Variants in COL8A1 observed in about 807,000 individuals in gnomAD.
The protein encoded by COL8A1 is collagen alpha-1(VIII) chain.
A neutral mutation model predicts 42.7 loss-of-function variants in COL8A1; 21 were observed. The observed-to-expected ratio is 0.49, with a 90% CI of 0.35 to 0.71. COL8A1 has a LOEUF of 0.71. Ranked by LOEUF, COL8A1 falls within the 30% of genes least tolerant of loss-of-function variation. The pLI is 0.01. For synonymous variants in COL8A1, 367 were observed against 369.1 expected, an observed-to-expected ratio of 0.99 and a Z score of 0.06; for missense variants, 788 against 962.4, an observed-to-expected ratio of 0.82 and a Z score of 2.40.
intron 1 of COL8A1, among the ~76,000 whole-genome samples, chr3:99,738,594 G>A (rs1290925050): frequency 6.6e-6 from 1 of 152,228 alleles, no homozygotes; most frequent in Non-Finnish European, 1.5e-5. Context: ...CAGATCTCCA[G>A]CTGCGTGATG....
At position 99,795,913 on chromosome 3, in the gene COL8A1, G is replaced by C. The variant is rs190381283; in HGVS notation, c.2012G>C (p.Gly671Ala). The C allele has an allele frequency of 1.2e-6, 2 of 1,614,184 alleles. No individual in the cohort carries two copies. Among genetic ancestry groups the C allele is most frequent in the South Asian group, 2.2e-5 (2 of 91,084 alleles). Residue 671 changes from glycine (G) to alanine (A), a missense_variant, in exon 4 of 4, where the codon GGG becomes GCG. Physicochemically the swap from Gly to Ala is moderately conservative, Grantham distance 60. Transcript: ENST00000652472. ...TTTGCATACCACGTTCACTGCAAGG[G>C]GGGCAACGTGTGGGTTGCTCTATTC... ...YYFAYHVHCKGGNVWVALFKN... is the reference protein window; with the variant it reads ...YYFAYHVHCKAGNVWVALFKN...
At position 99,642,247 on chromosome 3, in the gene COL8A1, A is replaced by G. The variant is rs757427187; in HGVS notation, c.-129+3583A>G. Among the ~76,000 whole-genome samples the G allele has an allele frequency of 4.6e-4, 70 of 152,268 alleles. 1 individual carries two copies. The Middle Eastern group carries it at 0.014, about 30-fold the overall frequency. On this transcript the variant is annotated intron_variant, in intron 1 of 3. Coordinates refer to ENST00000652472, the MANE Select transcript of COL8A1 (RefSeq NM_020351.4). Reference sequence around the variant, plus strand: ...ATCCCTCTATCACTTTAGTAACTCCATTTGTTGTTTGAGGGAGAAGGTTCT... The same window carrying G: ...ATCCCTCTATCACTTTAGTAACTCCGTTTGTTGTTTGAGGGAGAAGGTTCT...
At chr3:99,641,729 G>A (rs1261799951) in intron 1 of COL8A1, among the ~76,000 whole-genome samples, 2 of 152,182 alleles carry the variant, frequency 1.3e-5, no homozygotes, top group Admixed American at 1.3e-4. Flanking sequence ...GGTCCTCCAA[G>A]TAACCCTCTG....
intron 1 of COL8A1, among the ~76,000 whole-genome samples, chr3:99,662,118 C>T (rs1938223909): frequency 6.6e-6 from 1 of 152,146 alleles, no homozygotes; most frequent in African/African-American, 2.4e-5. Flanking sequence ...GTGGCACGTG[C>T]CTATAATCCC....
intron 1 of COL8A1, among the ~76,000 whole-genome samples, chr3:99,648,448 ATTTCTT>A (rs1937724318): frequency 6.6e-6 from 1 of 152,114 alleles, no homozygotes. Context: ...AGTGATTTTA[ATTTCTT>A]TTTCTTTTTT....
At chr3:99,675,302 A>C (rs1938660717) in intron 1 of COL8A1, among the ~76,000 whole-genome samples, 2 of 151,992 alleles carry the variant, frequency 1.3e-5, no homozygotes, top group African/African-American at 2.4e-5. Flanking sequence ...GCCATGAGAA[A>C]AATTATTATA....
chr3:99,792,899 G>C (rs1942028128), intron 3 of COL8A1, among the ~76,000 whole-genome samples: 1 of 152,188 alleles, frequency 6.6e-6, no homozygotes, highest in Non-Finnish European at 1.5e-5. Flanking sequence ...GATGTGGAAA[G>C]ATGTTATTGA....
intron 1 of COL8A1, among the ~76,000 whole-genome samples, chr3:99,723,833 T>C (rs1940226438): frequency 6.6e-6 from 1 of 152,136 alleles, no homozygotes; most frequent in Admixed American, 6.6e-5. Flanking sequence ...CTCTTCTTCC[T>C]TACCTTCACA....
At chr3:99,748,353 G>A (rs901125616) in intron 2 of COL8A1, among the ~76,000 whole-genome samples, 1 of 152,158 alleles carries the variant, frequency 6.6e-6, no homozygotes. Context: ...TGTGCTGTGA[G>A]TGTGAAATAT....
At chr3:99,769,994 A>C (rs1199634219) in intron 2 of COL8A1, among the ~76,000 whole-genome samples, 2 of 152,186 alleles carry the variant, frequency 1.3e-5, no homozygotes, top group African/African-American at 2.4e-5. Context: ...TCTACAGACA[A>C]ATTTATTTAA....
chr3:99,720,581 G>A (rs1472619440), intron 1 of COL8A1, among the ~76,000 whole-genome samples: 2 of 151,958 alleles, frequency 1.3e-5, no homozygotes, highest in Non-Finnish European at 2.9e-5. Flanking sequence ...ATATTTCAAG[G>A]GAATTACATT....
intron 2 of COL8A1, 89 bp from the exon 3 acceptor site, chr3:99,790,591 C>A (rs554452488): frequency 9.6e-6 from 10 of 1,041,160 alleles, no homozygotes; most frequent in Non-Finnish European, 1.4e-5. Flanking sequence ...GACTGTTTCC[C>A]TTTTTTTTCC....
intron 1 of COL8A1, among the ~76,000 whole-genome samples, chr3:99,733,356 A>T (rs1313934954): frequency 7.6e-6 from 1 of 131,048 alleles, no homozygotes; most frequent in Non-Finnish European, 1.6e-5. Flanking sequence ...TGTCCATGTG[A>T]TCTCATTGTT....
intron 1 of COL8A1, among the ~76,000 whole-genome samples, chr3:99,654,157 C>T (rs562687520): frequency 1.3e-5 from 2 of 152,236 alleles, no homozygotes; most frequent in Non-Finnish European, 2.9e-5. Context: ...AAATGAAGAC[C>T]GGCAGACTCA....
chr3:99,723,593 A>G (rs911438907), intron 1 of COL8A1, among the ~76,000 whole-genome samples: 5 of 152,178 alleles, frequency 3.3e-5, no homozygotes, highest in Admixed American at 2.0e-4. Flanking sequence ...TCCAATGGAA[A>G]GAAGCCTTAT....
chr3:99,671,499 C>A (rs1020299396), intron 1 of COL8A1, among the ~76,000 whole-genome samples: 1 of 152,026 alleles, frequency 6.6e-6, no homozygotes. Flanking sequence ...TCTCAGTAAT[C>A]TTCAAGTATA....
intron 1 of COL8A1, among the ~76,000 whole-genome samples, chr3:99,734,666 G>A (rs1940643966): frequency 6.6e-6 from 1 of 151,962 alleles, no homozygotes; most frequent in Non-Finnish European, 1.5e-5. Flanking sequence ...CTTTAAAGTA[G>A]TTTTTTCCAA....
At chr3:99,706,871 C>T (rs955255714) in intron 1 of COL8A1, among the ~76,000 whole-genome samples, 5 of 152,068 alleles carry the variant, frequency 3.3e-5, no homozygotes, top group Non-Finnish European at 7.4e-5. Flanking sequence ...ATAGAGCACC[C>T]GGGAAGAGAG....
At chr3:99,680,483 T>A (rs1390704915) in intron 1 of COL8A1, 1 of 152,250 alleles carries the variant, frequency 6.6e-6, no homozygotes, top group Non-Finnish European at 1.5e-5. Context: ...CATAGCAGCA[T>A]GATTTATAAT....
Sources: allele counts gnomAD v4.1 joint callset (sites outside exome capture counted in the v4.1 genomes callset), GRCh38; gene constraint gnomAD v4.1.1; transcripts MANE v1.5; gene names NCBI Gene and HGNC (gene_info 2026-07-23, HGNC 2026-07-21).